GPHN: variants seen among roughly 807,000 people sequenced by gnomAD.
GPHN encodes gephyrin.
A neutral mutation model predicts 95.5 loss-of-function variants in GPHN; 17 were observed. The observed-to-expected ratio is 0.18, with a 90% confidence interval of 0.12 to 0.27. GPHN has a LOEUF of 0.27. Ranked by LOEUF, GPHN falls within the 10% of genes least tolerant of loss-of-function variation. The probability of loss-of-function intolerance (pLI) is 1.00; values close to 1 mark genes in which losing one functional copy is unlikely to be tolerated. For synonymous variants in GPHN, 320 were observed against 322.5 expected, an observed-to-expected ratio of 0.99 and a Z score of 0.08; for missense variants, 660 against 978.1, an observed-to-expected ratio of 0.67 and a Z score of 4.34.
intron 1 of GPHN, among the ~76,000 whole-genome samples, chr14:66,652,699 C>T (rs1386489919): frequency 1.3e-5 from 2 of 152,138 alleles, no homozygotes; most frequent in African/African-American, 4.8e-5. Context: ...TCCCAGGCTG[C>T]CAGCAAAGCA....
At chr14:67,132,189 A>G (rs1261363546) in intron 17 of GPHN, among the ~76,000 whole-genome samples, 1 of 152,252 alleles carries the variant, frequency 6.6e-6, no homozygotes, top group Non-Finnish European at 1.5e-5. Context: ...CACATTTAGC[A>G]GGAATTATCA....
In GPHN at chr14:66,981,804, G is replaced by A. The variant is rs559898854; in HGVS notation, c.963+16479G>A. On this transcript the variant is annotated intron_variant, in intron 9 of 22. Coordinates refer to ENST00000478722, the MANE Select transcript of GPHN (RefSeq NM_020806.5). Reference sequence around the variant, plus strand: ...AGAGAAGGGGAGAAGGTCTACATTCGTTATTCCATAGGTAAGAGACTAAAT... The same window carrying A: ...AGAGAAGGGGAGAAGGTCTACATTCATTATTCCATAGGTAAGAGACTAAAT... 5.3e-5 allele frequency among the ~76,000 whole-genome samples: 8 copies of A among 152,184 alleles called. 1 individual carries two copies. In the South Asian group the frequency reaches 1.0e-3, roughly 20 times the overall value.
the GPHN span, among the ~76,000 whole-genome samples, chr14:67,400,519 G>C: frequency 1.3e-5 from 2 of 152,132 alleles, no homozygotes; most frequent in Non-Finnish European, 2.9e-5. Flanking sequence ...ACCACCCCCC[G>C]CCCCAACTGC....
At chr14:66,804,757 A>G (rs1355776315) in intron 3 of GPHN, among the ~76,000 whole-genome samples, 1 of 152,170 alleles carries the variant, frequency 6.6e-6, no homozygotes, top group Non-Finnish European at 1.5e-5. Flanking sequence ...TTATTTCTGC[A>G]ATTATCTGAT....
intron 12 of GPHN, among the ~76,000 whole-genome samples, chr14:67,097,311 C>T (rs545570095): frequency 3.3e-4 from 50 of 152,156 alleles, no homozygotes; most frequent in Admixed American, 2.9e-3. Flanking sequence ...AAGAAAAGGA[C>T]GCTTTAAGTA....
At chr14:67,118,462 A>G (rs1595219194) in intron 16 of GPHN, among the ~76,000 whole-genome samples, 1 of 152,304 alleles carries the variant, frequency 6.6e-6, no homozygotes, top group East Asian at 1.9e-4. Context: ...GCGGTGGCTC[A>G]CGCCTGTAAT....
At chr14:67,402,401 G>A in the GPHN span, among the ~76,000 whole-genome samples, 1 of 152,052 alleles carries the variant, frequency 6.6e-6, no homozygotes, top group Non-Finnish European at 1.5e-5. Flanking sequence ...ATCCCCTCAA[G>A]CATTTATCCT....
At chr14:67,648,208 C>T in the GPHN span, 1 of 1,604,590 alleles carries the variant, frequency 6.2e-7, no homozygotes, top group Non-Finnish European at 8.5e-7. Context: ...GGTCTGCAGC[C>T]TGTTAACTAC....
At chr14:67,178,958 A>G (rs1189016619) in intron 21 of GPHN, among the ~76,000 whole-genome samples, 1 of 152,238 alleles carries the variant, frequency 6.6e-6, no homozygotes, top group Admixed American at 6.5e-5. Context: ...GAAATACTAT[A>G]TGCAGCAAAG....
the GPHN span, chr14:67,570,013 G>C: frequency 6.4e-7 from 1 of 1,570,600 alleles, no homozygotes. Flanking sequence ...ACTGAAGGGG[G>C]TAAGAAACTG....
the GPHN span, chr14:67,557,267 A>G: frequency 6.2e-7 from 1 of 1,613,088 alleles, no homozygotes; most frequent in Admixed American, 1.7e-5. Context: ...TGTACTTTTC[A>G]GGTGGGTGTC....
intron 1 of GPHN, among the ~76,000 whole-genome samples, chr14:66,609,351 T>A (rs890648424): frequency 6.6e-6 from 1 of 152,142 alleles, no homozygotes; most frequent in Non-Finnish European, 1.5e-5. Flanking sequence ...GTGACCTGAC[T>A]CATCTCTCTA....
the GPHN span, among the ~76,000 whole-genome samples, chr14:67,237,579 C>T: frequency 6.6e-6 from 1 of 151,890 alleles, no homozygotes; most frequent in African/African-American, 2.4e-5. Context: ...CATCTTAGCC[C>T]CCTGATTAGA....
the GPHN span, among the ~76,000 whole-genome samples, chr14:67,669,445 T>C: frequency 1.3e-5 from 2 of 151,572 alleles, no homozygotes; most frequent in South Asian, 4.2e-4. Flanking sequence ...GCTTTTTTTT[T>C]TTTGTAGAGA....
At chr14:66,636,012 C>A (rs1031445888) in intron 1 of GPHN, among the ~76,000 whole-genome samples, 1 of 152,030 alleles carries the variant, frequency 6.6e-6, no homozygotes, top group African/African-American at 2.4e-5. Context: ...GATTTTAGAT[C>A]TTTTCAAAGA....
At chr14:67,362,415 C>T in the GPHN span, among the ~76,000 whole-genome samples, 113 of 152,096 alleles carry the variant, frequency 7.4e-4, no homozygotes, top group African/African-American at 2.7e-3. Flanking sequence ...ATGGAAATAC[C>T]TTCTTTTTCT....
the GPHN span, among the ~76,000 whole-genome samples, chr14:67,497,252 C>T: frequency 2.6e-5 from 4 of 152,230 alleles, no homozygotes; most frequent in South Asian, 8.3e-4. Context: ...GAGCATCCGT[C>T]CCGAGGTTAG....
chr14:66,854,855 T>C (rs1236935501), intron 4 of GPHN, among the ~76,000 whole-genome samples: 1 of 151,910 alleles, frequency 6.6e-6, no homozygotes, highest in Admixed American at 6.6e-5. Context: ...CTTTTTTTTT[T>C]TTTTTCTTCT....
intron 2 of GPHN, among the ~76,000 whole-genome samples, chr14:66,714,377 C>A (rs1432924659): frequency 6.6e-6 from 1 of 152,100 alleles, no homozygotes; most frequent in African/African-American, 2.4e-5. Flanking sequence ...ATTCTTTTAT[C>A]AGTTCTAGGA....
Sources: allele counts gnomAD v4.1 joint callset (sites outside exome capture counted in the v4.1 genomes callset), GRCh38; gene constraint gnomAD v4.1.1; transcripts MANE v1.5; gene names NCBI Gene and HGNC (gene_info 2026-07-23, HGNC 2026-07-21).